The following RAVER2 variants were observed in gnomAD, a reference collection of about 807,000 sequenced individuals.
The protein encoded by RAVER2 is ribonucleoprotein PTB-binding 2.
RAVER2 carries 46 observed loss-of-function variants against 78.1 expected under a neutral mutation model. The observed-to-expected ratio is 0.59, with a 90% CI of 0.46 to 0.75. The LOEUF (loss-of-function observed/expected upper bound fraction) is 0.75, where lower values mean the gene tolerates loss of function less well. Among genes scored for constraint, RAVER2 ranks in the 30% least tolerant of loss-of-function variants. The pLI is 0.00. For missense variants in RAVER2, 793 were observed against 837.5 expected (o/e 0.95, Z 0.66); for synonymous variants, 311 against 313.3 (o/e 0.99, Z 0.08).
chr1:64,812,151 G>C (rs1653626235), intron 9 of RAVER2, among the ~76,000 whole-genome samples: 3 of 152,014 alleles, frequency 2.0e-5, no homozygotes, highest in African/African-American at 7.3e-5. Context: ...ACGAAGGTCA[G>C]GAGTTCAAGA....
chr1:64,821,733 A>G (rs1653892753), intron 11 of RAVER2, among the ~76,000 whole-genome samples: 1 of 152,220 alleles, frequency 6.6e-6, no homozygotes, highest in South Asian at 2.1e-4. Context: ...GATTAAAGCC[A>G]GACCTCTTCC....
chr1:64,773,688 A>G (rs1026063214), intron 2 of RAVER2, among the ~76,000 whole-genome samples: 1 of 152,240 alleles, frequency 6.6e-6, no homozygotes, highest in Non-Finnish European at 1.5e-5. Context: ...TCCTTTGGGT[A>G]TATACCCAGT....
At chr1:64,805,244 T>C in intron 8 of RAVER2, 139 bp downstream of exon 8, 2 of 750,278 alleles carry the variant, frequency 2.7e-6, no homozygotes, top group Non-Finnish European at 4.3e-6. Flanking sequence ...GAGAACCCTC[T>C]TGGCTTTTCG....
At chr1:64,802,923 A>G in intron 5 of RAVER2, 53 bp from the exon 6 acceptor site, 2 of 1,320,770 alleles carry the variant, frequency 1.5e-6, no homozygotes, top group Non-Finnish European at 2.1e-6. Context: ...TTGGTTTTTA[A>G]AAATTTTTAA....
intron 11 of RAVER2, among the ~76,000 whole-genome samples, chr1:64,826,050 A>G (rs1468561265): frequency 6.6e-6 from 1 of 152,250 alleles, no homozygotes; most frequent in Non-Finnish European, 1.5e-5. Flanking sequence ...TCCATGTCAG[A>G]GTGTCAGAGA....
intron 9 of RAVER2, among the ~76,000 whole-genome samples, chr1:64,812,521 C>T (rs1238874557): frequency 6.6e-6 from 1 of 152,078 alleles, no homozygotes; most frequent in Non-Finnish European, 1.5e-5. Flanking sequence ...GATGTCCTTT[C>T]ATTCTCTTTT....
chr1:64,765,776 T>G (rs1391877742), intron 1 of RAVER2, among the ~76,000 whole-genome samples: 5 of 152,232 alleles, frequency 3.3e-5, no homozygotes, highest in African/African-American at 1.2e-4. Flanking sequence ...TTTATCAAGT[T>G]ACATAAAATT....
intron 5 of RAVER2, 34 bp from the exon 6 acceptor site, chr1:64,802,942 A>C (rs532202801): frequency 6.8e-7 from 1 of 1,460,820 alleles, no homozygotes; most frequent in South Asian, 1.2e-5. Flanking sequence ...AATTCCATAT[A>C]TAAATTAAAG....
rs143716221 is a variant in RAVER2 at position 64,821,503 on chromosome 1, G to A, written c.1929+6663G>A. 4.7e-3 allele frequency among the ~76,000 whole-genome samples: 712 copies of A among 152,076 alleles called. 10 individuals carry two copies. The highest frequency in any genetic ancestry group is 0.016 in the African/African-American group (683 of 41,492). ...CAAGGAACCATATTGCACTAAAACCGCCAGTAAAATGTTGAATAGAAGCAG... is the reference window on the plus strand; with the variant it reads ...CAAGGAACCATATTGCACTAAAACCACCAGTAAAATGTTGAATAGAAGCAG... On this transcript the variant is annotated intron_variant, in intron 11 of 11. Coordinates refer to ENST00000294428, the Ensembl canonical transcript of RAVER2.
At chr1:64,764,260 T>C (rs1268236561) in intron 1 of RAVER2, among the ~76,000 whole-genome samples, 1 of 151,712 alleles carries the variant, frequency 6.6e-6, no homozygotes, top group Non-Finnish European at 1.5e-5. Flanking sequence ...TGGAAGTTGA[T>C]ATATGAGAGA....
intron 2 of RAVER2, among the ~76,000 whole-genome samples, chr1:64,772,633 T>C (rs1324828569): frequency 2.6e-5 from 4 of 152,140 alleles, no homozygotes; most frequent in African/African-American, 7.2e-5. Flanking sequence ...GAGATCATGA[T>C]GGAGTAATGC....
At chr1:64,750,048 G>C (rs1651654103) in intron 1 of RAVER2, among the ~76,000 whole-genome samples, 1 of 151,972 alleles carries the variant, frequency 6.6e-6, no homozygotes, top group South Asian at 2.1e-4. Flanking sequence ...AAGTGCTTAG[G>C]GCCAACATTC....
chr1:64,802,182 G>A (rs913729741), intron 5 of RAVER2, among the ~76,000 whole-genome samples: 5 of 152,148 alleles, frequency 3.3e-5, no homozygotes, highest in South Asian at 2.1e-4. Context: ...GGTTTTAGCC[G>A]GCTTCTTTAT....
Position 64,770,748 on chromosome 1 carries a change from A to C in RAVER2, c.316+2026A>C, listed in dbSNP as rs571095295. The stretch of plus-strand genomic sequence containing the variant: ...TGGTAAATAGAGACTTGGAAGATAT[A>C]AAATATCCAAATCAAACATCTGGAG... On this transcript the variant is annotated intron_variant, in intron 2 of 11. Transcript: ENST00000294428. Among the ~76,000 whole-genome samples the C allele has an allele frequency of 6.5e-4, 99 of 152,168 alleles. 2 individuals carry two copies. The Middle Eastern group carries it at 0.01, about 16-fold the overall frequency.
At chr1:64,775,084 G>T (rs1281837423) in intron 2 of RAVER2, among the ~76,000 whole-genome samples, 1 of 152,126 alleles carries the variant, frequency 6.6e-6, no homozygotes, top group Admixed American at 6.5e-5. Context: ...GGGCTGAGAT[G>T]ATGGGGTTTT....
chr1:64,818,790 G>C (rs539752492), intron 11 of RAVER2, among the ~76,000 whole-genome samples: 109 of 152,258 alleles, frequency 7.2e-4, no homozygotes, highest in African/African-American at 2.2e-3. Context: ...TTAAGTGAAG[G>C]GGGGACATCG....
chr1:64,778,702 T>A (rs918768297), intron 3 of RAVER2, among the ~76,000 whole-genome samples: 10 of 149,486 alleles, frequency 6.7e-5, no homozygotes, highest in African/African-American at 2.2e-4. Context: ...CTAATAAATA[T>A]ATATATATAT....
chr1:64,776,933 G>T (rs544694478), intron 2 of RAVER2, among the ~76,000 whole-genome samples: 18 of 152,196 alleles, frequency 1.2e-4, no homozygotes, highest in South Asian at 6.2e-4. Flanking sequence ...AGCTAGACAG[G>T]GCAGACTATT....
chr1:64,759,462 G>A (rs928837225), intron 1 of RAVER2, among the ~76,000 whole-genome samples: 4 of 150,442 alleles, frequency 2.7e-5, no homozygotes, highest in African/African-American at 4.9e-5. Flanking sequence ...CTTGTGATCC[G>A]CCCGCCTCGG....
Sources: gnomAD v4.1 joint callset for allele counts (sites outside exome capture counted in the v4.1 genomes callset) on GRCh38, gnomAD v4.1.1 for gene constraint, MANE v1.5 for transcripts, NCBI Gene and HGNC (gene_info 2026-07-23, HGNC 2026-07-21) for gene names.